SV2B: variants seen among roughly 807,000 people sequenced by gnomAD.
SV2B encodes the protein synaptic vesicle glycoprotein 2B, also known as solute carrier family 22 member B2.
In SV2B, 41 loss-of-function variants were observed where a neutral mutation model predicts 73.9. The observed-to-expected ratio is 0.56, with a 90% CI of 0.43 to 0.72. The LOEUF (loss-of-function observed/expected upper bound fraction) is 0.72, where lower values mean the gene tolerates loss of function less well. Among genes scored for constraint, SV2B ranks in the 30% least tolerant of loss-of-function variants. The pLI is 0.00. For missense variants in SV2B, 764 were observed against 857.8 expected (o/e 0.89, Z 1.37); for synonymous variants, 314 against 314.2 (o/e 1.00, Z 0.01).
rs924774128 is a variant in SV2B, at chr15:91,258,676, C to T, written c.918+122C>T. On this transcript the variant is annotated intron_variant, in intron 5 of 12. Coordinates refer to ENST00000394232, the MANE Select transcript of SV2B (RefSeq NM_001323032.3). This position sits in a 1 kb window ranked among gnomAD's most constrained non-coding sequence, Gnocchi z 4.7. ...CTGCTTATGTGTTGCAAACTCTCCC[C>T]TGGTCGGCTGACCTCACTCATCATT... is the stretch of plus-strand genomic sequence containing the variant. 10 of 1,431,740 alleles carry T rather than the reference C, an allele frequency of 7.0e-6. No individual in the cohort carries two copies. The highest frequency in any genetic ancestry group is 2.9e-5 in the South Asian group (2 of 70,124). The allele number at this position is 1,431,740 out of a possible 1,614,324, so 88.7% of individuals were successfully genotyped here.
Position 91,220,514 on chromosome 15 carries a change from C to T in SV2B, c.-391-5359C>T, listed in dbSNP as rs934103696. On this transcript the variant is annotated intron_variant, in intron 1 of 12. Coordinates refer to ENST00000394232, the MANE Select transcript of SV2B (RefSeq NM_001323032.3). The surrounding 1 kb of genome is among the most constrained non-coding windows in gnomAD (Gnocchi z 4.1). ...GCTCTACAGAACAGATTTTGGGAAGCATTACATCATTTGATTGTAATATTT... is the reference window on the plus strand; with the variant it reads ...GCTCTACAGAACAGATTTTGGGAAGTATTACATCATTTGATTGTAATATTT... Among the ~76,000 whole-genome samples, 3 of 152,202 alleles carry T rather than the reference C, an allele frequency of 2.0e-5. No homozygotes were observed. Among genetic ancestry groups the T allele is most frequent in the Admixed American group, 1.3e-4 (2 of 15,274 alleles).
chr15:91,129,588 C>A lies in SV2B; in HGVS notation c.-392+29225C>A, dbSNP rs191071995. ...CATGTGCCCAGCACAGCACACTGGG[C>A]ACAGACTAGGACTGCATCTGGTTGC... is the stretch of plus-strand genomic sequence containing the variant. On this transcript the variant is annotated intron_variant, in intron 1 of 12. Coordinates refer to ENST00000394232, the MANE Select transcript of SV2B (RefSeq NM_001323032.3). The surrounding 1 kb of genome is among the most constrained non-coding windows in gnomAD (Gnocchi z 5.1). 5.5e-4 allele frequency among the ~76,000 whole-genome samples: 84 copies of A among 152,296 alleles called. No homozygotes were observed. Among genetic ancestry groups the A allele is most frequent in the Middle Eastern group, 6.8e-3 (2 of 294 alleles).
At chr15:91,250,953 CATCCTAAAATTCAT>C (rs2047459200) in intron 2 of SV2B, among the ~76,000 whole-genome samples, 1 of 152,062 alleles carries the variant, frequency 6.6e-6, no homozygotes, top group African/African-American at 2.4e-5. Flanking sequence ...ATAGGAAAAA[CATCCTAAAATTCAT>C]ATAGAACCAC....
rs1480040314 is a variant in SV2B at position 91,267,136 on chromosome 15, T to C, written c.1120-419T>C. On this transcript the variant is annotated intron_variant, in intron 7 of 12. Coordinates refer to ENST00000394232, the MANE Select transcript of SV2B (RefSeq NM_001323032.3). This position sits in a 1 kb window ranked among gnomAD's most constrained non-coding sequence, Gnocchi z 4.3. ...CTCCAAGTAGGGAGCCAGTCAGCTATTGAGCACTGAGGCAGCCAGACAGCC... is the reference window on the plus strand; with the variant it reads ...CTCCAAGTAGGGAGCCAGTCAGCTACTGAGCACTGAGGCAGCCAGACAGCC... Among the ~76,000 whole-genome samples, 5 of 152,352 alleles carry C rather than the reference T, an allele frequency of 3.3e-5. No homozygotes were observed. In the East Asian group the frequency reaches 9.6e-4, roughly 29 times the overall value.
At chr15:91,255,819 C>T (rs1221583345) in intron 4 of SV2B, among the ~76,000 whole-genome samples, 2 of 152,120 alleles carry the variant, frequency 1.3e-5, no homozygotes, top group Non-Finnish European at 2.9e-5. Flanking sequence ...TAACAAGAGC[C>T]ATTATTTATC....
chr15:91,150,270 G>A (rs1252379534), intron 1 of SV2B, among the ~76,000 whole-genome samples: 1 of 152,086 alleles, frequency 6.6e-6, no homozygotes, highest in Non-Finnish European at 1.5e-5. Flanking sequence ...GCCTCCCAAA[G>A]TGCTGGGATT....
Position 91,233,197 on chromosome 15 carries a change from C to T in SV2B, c.451+6483C>T, listed in dbSNP as rs762458321. 3.1e-4 allele frequency among the ~76,000 whole-genome samples: 47 copies of T among 152,044 alleles called. 1 individual carries two copies. The highest frequency in any genetic ancestry group is 4.6e-4 in the Non-Finnish European group (31 of 68,012). On this transcript the variant is annotated intron_variant, in intron 2 of 12. Coordinates refer to ENST00000394232, the MANE Select transcript of SV2B (RefSeq NM_001323032.3). ...AGAGCACTGATAGTCCATGTTGTGACGTGGCAATGAAGATACATAAAATAT... is the reference window on the plus strand; with the variant it reads ...AGAGCACTGATAGTCCATGTTGTGATGTGGCAATGAAGATACATAAAATAT...
At chr15:91,203,850 C>T (rs1403435582) in intron 1 of SV2B, among the ~76,000 whole-genome samples, 2 of 152,182 alleles carry the variant, frequency 1.3e-5, no homozygotes, top group Non-Finnish European at 2.9e-5. Flanking sequence ...TCCCCTCTCC[C>T]CCTCTCTCCC....
intron 1 of SV2B, among the ~76,000 whole-genome samples, chr15:91,176,508 CA>C (rs2044314667): frequency 1.3e-5 from 2 of 152,296 alleles, no homozygotes; most frequent in East Asian, 3.9e-4. Context: ...GTCCCACCAA[CA>C]GTGTAAAAGT....
At chr15:91,216,465 C>G (rs2046027674) in intron 1 of SV2B, among the ~76,000 whole-genome samples, 2 of 147,396 alleles carry the variant, frequency 1.4e-5, no homozygotes, top group Admixed American at 1.4e-4. Context: ...TCTTTCTTTT[C>G]TTTTTTTTTT....
At chr15:91,244,548 G>A (rs2047149764) in intron 2 of SV2B, among the ~76,000 whole-genome samples, 1 of 152,216 alleles carries the variant, frequency 6.6e-6, no homozygotes, top group African/African-American at 2.4e-5. Context: ...GCGTCCAGAT[G>A]CCACATAAAC....
Position 91,139,962 on chromosome 15 carries a change from T to C in SV2B, c.-392+39599T>C, listed in dbSNP as rs1323276804. On this transcript the variant is annotated intron_variant, in intron 1 of 12. Coordinates refer to ENST00000394232, the MANE Select transcript of SV2B (RefSeq NM_001323032.3). This position sits in a 1 kb window ranked among gnomAD's most constrained non-coding sequence, Gnocchi z 5.2. ...CGTCTCAGCCCAGATCATTTGGAAATTGGGCTCATGCTCTGGGTCAATGAT... is the reference window on the plus strand; with the variant it reads ...CGTCTCAGCCCAGATCATTTGGAAACTGGGCTCATGCTCTGGGTCAATGAT... Among the ~76,000 whole-genome samples, 1 of 152,160 alleles carries C rather than the reference T, an allele frequency of 6.6e-6. No individual in the cohort carries two copies. The highest frequency in any genetic ancestry group is 1.5e-5 in the Non-Finnish European group (1 of 68,036).
At chr15:91,117,531 C>G (rs749415221) in intron 1 of SV2B, among the ~76,000 whole-genome samples, 1 of 152,238 alleles carries the variant, frequency 6.6e-6, no homozygotes, top group Non-Finnish European at 1.5e-5. Flanking sequence ...AAGTTCAGGT[C>G]TGCTCCAGGC....
In SV2B at chr15:91,256,550, C is replaced by T. The variant is rs142506904; in HGVS notation, c.785-1871C>T. ...GTAGTTTTTGCACGTGAGCTGAGAACGTGTAAATATTGCTATGGTTTTATC... is the reference window on the plus strand; with the variant it reads ...GTAGTTTTTGCACGTGAGCTGAGAATGTGTAAATATTGCTATGGTTTTATC... On this transcript the variant is annotated intron_variant, in intron 4 of 12. Transcript: ENST00000394232. Among the ~76,000 whole-genome samples the T allele has an allele frequency of 7.0e-3, 1,066 of 152,260 alleles. 14 individuals are homozygous for T. Among genetic ancestry groups the T allele is most frequent in the African/African-American group, 0.024 (986 of 41,554 alleles).
chr15:91,167,510 G>A (rs529513460), intron 1 of SV2B, among the ~76,000 whole-genome samples: 8 of 152,180 alleles, frequency 5.3e-5, no homozygotes, highest in African/African-American at 1.7e-4. Flanking sequence ...TTCCTTTTGT[G>A]TGGCCCCTTT....
At chr15:91,113,425 C>A (rs1371920846) in intron 1 of SV2B, among the ~76,000 whole-genome samples, 1 of 152,150 alleles carries the variant, frequency 6.6e-6, no homozygotes, top group African/African-American at 2.4e-5. Context: ...TGACTTTCAC[C>A]CACACAGAAG....
At chr15:91,147,903 C>T (rs1315284471) in intron 1 of SV2B, among the ~76,000 whole-genome samples, 1 of 145,798 alleles carries the variant, frequency 6.9e-6, no homozygotes, top group Non-Finnish European at 1.5e-5. Flanking sequence ...GCATTTAAGA[C>T]AGGAAAAAGG....
chr15:91,292,388 C>G lies in SV2B; in HGVS notation c.1888C>G (p.Leu630Val), dbSNP rs2049071504. ...TNQRATAFGILNGLCKFGAIL... is the reference protein window; with the variant it reads ...TNQRATAFGIVNGLCKFGAIL... ...TTACAGAGCAACAGCCTTCGGCATTCTCAATGGATTATGCAAATTTGGCGC... is the reference window on the plus strand; with the variant it reads ...TTACAGAGCAACAGCCTTCGGCATTGTCAATGGATTATGCAAATTTGGCGC... Residue 630 changes from leucine to valine, a missense_variant, in exon 13 of 13, where the codon CTC becomes GTC. Transcript: ENST00000394232. 1 of 1,614,090 alleles carries G rather than the reference C, an allele frequency of 6.2e-7. No individual in the cohort carries two copies. The highest frequency in any genetic ancestry group is 8.5e-7 in the Non-Finnish European group (1 of 1,179,984).
chr15:91,120,540 G>A (rs953078793), intron 1 of SV2B, among the ~76,000 whole-genome samples: 2 of 152,054 alleles, frequency 1.3e-5, no homozygotes, highest in African/African-American at 4.8e-5. Context: ...GGGCAGGCAC[G>A]GTGGCTCACA....
Sources: gnomAD v4.1 joint callset for allele counts (sites outside exome capture counted in the v4.1 genomes callset) on GRCh38, gnomAD v4.1.1 for gene constraint, Gnocchi (gnomAD v3.1) non-coding constraint, MANE v1.5 for transcripts, NCBI Gene and HGNC (gene_info 2026-07-23, HGNC 2026-07-21) for gene names.